The following FYB1 variants were observed in gnomAD, a reference collection of about 807,000 sequenced individuals.
The protein encoded by FYB1 is FYN binding protein 1.
FYB1 carries 41 observed loss-of-function variants against 94.1 expected under a neutral mutation model. The ratio of observed to expected loss-of-function variants is 0.44; its 90% CI spans 0.34 to 0.57. FYB1 has a LOEUF of 0.57. Ranked by LOEUF, FYB1 falls within the 20% of genes least tolerant of loss-of-function variation. The pLI is 0.02. For synonymous variants in FYB1, 367 were observed against 353.2 expected, an observed-to-expected ratio of 1.04 and a Z score of -0.44; for missense variants, 1,050 against 976.8, an observed-to-expected ratio of 1.07 and a Z score of -1.00.
Position 39,219,535 on chromosome 5 carries a change from C to T in FYB1, c.-120G>A, listed in dbSNP as rs886977321. On this transcript the variant is annotated 5_prime_UTR_variant, in exon 1 of 19. Coordinates refer to ENST00000512982, the MANE Select transcript of FYB1 (RefSeq NM_001465.6). Reference sequence around the variant, plus strand: ...CCCTACTCACTTCTAGCTGTCGCATCTGCTCTGCATGTGGAACTCAAGAAC... The same window carrying T: ...CCCTACTCACTTCTAGCTGTCGCATTTGCTCTGCATGTGGAACTCAAGAAC... 28 of 985,338 alleles carry T rather than the reference C, an allele frequency of 2.8e-5. No homozygotes were observed. Among genetic ancestry groups the T allele is most frequent in the Non-Finnish European group, 3.3e-5 (27 of 829,956 alleles). The allele number at this position is 985,338 out of a possible 1,614,324, so 61.0% of individuals were successfully genotyped here.
At chr5:39,128,270 A>T (rs1443113794) in intron 10 of FYB1, among the ~76,000 whole-genome samples, 1 of 152,170 alleles carries the variant, frequency 6.6e-6, no homozygotes, top group Non-Finnish European at 1.5e-5. Flanking sequence ...AGTGACTTTT[A>T]AAATACATAT....
intron 16 of FYB1, among the ~76,000 whole-genome samples, chr5:39,117,675 A>G (rs1448541608): frequency 6.6e-6 from 1 of 152,094 alleles, no homozygotes. Context: ...CTCCATTTCA[A>G]TTCCTGTCCC....
intron 1 of FYB1, among the ~76,000 whole-genome samples, chr5:39,254,030 T>C (rs1751838487): frequency 6.6e-6 from 1 of 152,206 alleles, no homozygotes; most frequent in African/African-American, 2.4e-5. Context: ...GATCTCATTA[T>C]TTTTTATGGC....
chr5:39,196,208 CTTTT>C (rs5867445), intron 2 of FYB1, among the ~76,000 whole-genome samples: 4 of 128,308 alleles, frequency 3.1e-5, no homozygotes, highest in Admixed American at 1.6e-4. Context: ...ATAATTCTTT[CTTTT>C]TTTTTTTTTT....
chr5:39,124,915 C>CCCCACACACA (rs1554021582), intron 12 of FYB1, among the ~76,000 whole-genome samples: 1 of 139,476 alleles, frequency 7.2e-6, no homozygotes, highest in African/African-American at 2.7e-5. Context: ...TAAATACACT[C>CCCCACACACA]CACACACACA....
intron 1 of FYB1, among the ~76,000 whole-genome samples, chr5:39,248,206 A>G (rs1425394563): frequency 1.3e-5 from 2 of 152,226 alleles, no homozygotes; most frequent in Non-Finnish European, 2.9e-5. Flanking sequence ...AACCATATAA[A>G]TTAAGCTTCT....
At chr5:39,178,176 T>C (rs1209263137) in intron 2 of FYB1, among the ~76,000 whole-genome samples, 1 of 152,254 alleles carries the variant, frequency 6.6e-6, no homozygotes, top group African/African-American at 2.4e-5. Context: ...TGAATTATAC[T>C]TTTCCTTTGA....
Position 39,138,412 on chromosome 5 carries a change from T to A in FYB1, c.1394+245A>T, listed in dbSNP as rs564458596. ...AGATTTCTGTCTCTGATTCCCTGAC[T>A]GTGGTTTATCTCAGAGGCATGTCTC... On this transcript the variant is annotated intron_variant, in intron 6 of 18. Transcript: ENST00000512982. 19 of 350,028 alleles carry A rather than the reference T, an allele frequency of 5.4e-5. 1 individual carries two copies. In the South Asian group the frequency reaches 1.1e-3, roughly 20 times the overall value. The allele number at this position is 350,028 out of a possible 1,614,324, so 21.7% of individuals were successfully genotyped here. A position where few individuals can be genotyped will look rare whatever the true frequency, so the allele number is the denominator to read the frequency against.
chr5:39,236,393 A>C (rs1750968152), intron 1 of FYB1, among the ~76,000 whole-genome samples: 1 of 152,116 alleles, frequency 6.6e-6, no homozygotes, highest in Admixed American at 6.6e-5. Context: ...TAACTCTGGC[A>C]AAGAAGTGAA....
At chr5:39,117,915 T>G (rs188512545) in intron 16 of FYB1, among the ~76,000 whole-genome samples, 274 of 152,304 alleles carry the variant, frequency 1.8e-3, no homozygotes, top group Non-Finnish European at 3.0e-3. Flanking sequence ...GTTTGTTTCT[T>G]GAGTCAGGGT....
rs1743436437 is a variant in FYB1 at position 39,153,432 on chromosome 5, A to T, written c.1292+16T>A. On this transcript the variant is annotated intron_variant, in intron 3 of 18. Coordinates refer to ENST00000512982, the MANE Select transcript of FYB1 (RefSeq NM_001465.6). ...AAGAGACTAGGAAAGAAATCGCAAG[A>T]TAATCTTTTGCTTACTTTAGGTCAA... 2 of 1,612,528 alleles carry T rather than the reference A, an allele frequency of 1.2e-6. No individual in the cohort carries two copies. The highest frequency in any genetic ancestry group is 1.7e-6 in the Non-Finnish European group (2 of 1,178,788).
Position 39,119,612 on chromosome 5 carries a change from C to A in FYB1, c.2161G>T (p.Ala721Ser). ...TTAAGGTCCTTTTCTTCTGTCTTAG[C>A]TTTTCCAACATTAGTTCCTTGACTA... Reference protein sequence around the residue: ...EMSQGTNVGKAKTEEKDLKKL... With the variant: ...EMSQGTNVGKSKTEEKDLKKL... The change falls in exon 15 of 19, where the codon GCT (alanine) becomes TCT (serine). Residue 721 changes from alanine to serine, a missense_variant. Ala to Ser is a moderately conservative substitution (Grantham distance 99). Transcript: ENST00000512982. 1.3e-6 allele frequency: 2 copies of A among 1,543,624 alleles called. No homozygotes were observed. The highest frequency in any genetic ancestry group is 8.7e-7 in the Non-Finnish European group (1 of 1,144,318).
At chr5:39,235,470 C>G (rs978922948) in intron 1 of FYB1, among the ~76,000 whole-genome samples, 4 of 151,982 alleles carry the variant, frequency 2.6e-5, no homozygotes, top group African/African-American at 7.2e-5. Context: ...CTACAATTTG[C>G]TACAGATTTA....
In FYB1 at chr5:39,107,356, T is replaced by C; in HGVS notation, c.*87A>G. On this transcript the variant is annotated 3_prime_UTR_variant, in exon 19 of 19. Coordinates refer to ENST00000512982, the MANE Select transcript of FYB1 (RefSeq NM_001465.6). ...GATAATAAGTGGTTTTGTGCATTAA[T>C]TTTCTTGATACCCAATAACATGCCA... 1.1e-6 allele frequency: 1 copy of C among 890,426 alleles called. No homozygotes were observed. 55.2% of individuals were successfully genotyped at this position (890,426 alleles called of 1,614,324 possible).
At position 39,202,821 on chromosome 5, in the gene FYB1, G is replaced by A. The variant is rs188735672; in HGVS notation, c.140C>T (p.Pro47Leu). ...NLFNNQGNAS[P>L]PAGPSNVPKF... ...AGGTACATTGCTGGGTCCTGCAGGAGGGCTGGCATTTCCTTGGTTGTTGAA... is the reference window on the plus strand; with the variant it reads ...AGGTACATTGCTGGGTCCTGCAGGAAGGCTGGCATTTCCTTGGTTGTTGAA... The change falls in exon 2 of 19, where the codon CCT becomes CTT. Residue 47 changes from proline to leucine, a missense_variant. Transcript: ENST00000512982. 4.5e-5 allele frequency: 72 copies of A among 1,614,014 alleles called. No homozygotes were observed. The African/African-American group carries it at 8.5e-4, about 19-fold the overall frequency.
intron 2 of FYB1, among the ~76,000 whole-genome samples, chr5:39,158,716 A>G (rs193202433): frequency 6.5e-4 from 99 of 152,288 alleles, no homozygotes; most frequent in Non-Finnish European, 1.0e-3. Context: ...GAAGGTACCT[A>G]AAGTCTTCAT....
At chr5:39,214,181 A>G (rs1280362860) in intron 1 of FYB1, among the ~76,000 whole-genome samples, 1 of 152,236 alleles carries the variant, frequency 6.6e-6, no homozygotes, top group East Asian at 1.9e-4. Flanking sequence ...ATGTAAACCA[A>G]AATGAGATAC....
chr5:39,265,366 C>T (rs1392404742), intron 1 of FYB1, among the ~76,000 whole-genome samples: 1 of 152,116 alleles, frequency 6.6e-6, no homozygotes, highest in African/African-American at 2.4e-5. Flanking sequence ...CGCTTACAGT[C>T]CCAGCTACTC....
chr5:39,132,409 A>G (rs1423631137), intron 9 of FYB1, among the ~76,000 whole-genome samples: 2 of 152,160 alleles, frequency 1.3e-5, no homozygotes. Flanking sequence ...CTTCTTCTTT[A>G]ATTTTCTTAG....
Sources: gnomAD v4.1 joint callset for allele counts (sites outside exome capture counted in the v4.1 genomes callset) on GRCh38, gnomAD v4.1.1 for gene constraint, MANE v1.5 for transcripts, NCBI Gene and HGNC (gene_info 2026-07-23, HGNC 2026-07-21) for gene names.